BRCA2: variants seen among roughly 807,000 people sequenced by gnomAD.
BRCA2 encodes the protein BRCA2 DNA repair associated, also known as breast cancer type 2 susceptibility protein.
Under a neutral mutation model 276.7 loss-of-function variants are expected in BRCA2, and 203 were observed. The observed-to-expected ratio is 0.73, with a 90% CI of 0.65 to 0.82. The LOEUF is 0.82. Among genes scored for constraint, BRCA2 ranks in the 40% least tolerant of loss-of-function variants. The probability of loss-of-function intolerance (pLI) is 0.00; values close to 1 mark genes in which losing one functional copy is unlikely to be tolerated. For synonymous variants in BRCA2, 1,289 were observed against 1,338.4 expected (o/e 0.96, Z 0.81); for missense variants, 3,920 against 3,915.0 (o/e 1.00, Z -0.03).
chr13:32,354,901 A>C lies in BRCA2; in HGVS notation c.7048A>C (p.Thr2350Pro), dbSNP rs2072676852. The change falls in exon 14 of 27, where the codon ACC (threonine) becomes CCC (proline). Residue 2350 changes from threonine to proline, a missense_variant. Coordinates refer to ENST00000380152, the MANE Select transcript of BRCA2 (RefSeq NM_000059.4). ...ERQEIQNPNFTAPGQEFLSKS... is the reference protein window; with the variant it reads ...ERQEIQNPNFPAPGQEFLSKS... The stretch of plus-strand genomic sequence containing the variant: ...TCAAGAGATACAGAATCCAAATTTT[A>C]CCGCACCTGGTCAAGAATTTCTGTC... 1 of 1,613,474 alleles carries C rather than the reference A, an allele frequency of 6.2e-7. No individual in the cohort carries two copies.
rs80358965 is a variant in BRCA2 at position 32,356,430 on chromosome 13, T to G, written c.7438T>G (p.Leu2480Val). ...FTKCEEEPLD[L>V]ITSLQNARDI... ...GCTAAGTATTTATTCTTTGATAGATTTAATTACAAGTCTTCAGAATGCCAG... is the reference window on the plus strand; with the variant it reads ...GCTAAGTATTTATTCTTTGATAGATGTAATTACAAGTCTTCAGAATGCCAG... The change falls in exon 15 of 27, where the codon TTA (leucine) becomes GTA (valine). Residue 2480 changes from leucine to valine, a missense_variant and splice_region_variant. Physicochemically the swap from Leu to Val is conservative, Grantham distance 32. Coordinates refer to ENST00000380152, the MANE Select transcript of BRCA2 (RefSeq NM_000059.4). 5.0e-6 allele frequency: 8 copies of G among 1,612,824 alleles called. No individual in the cohort carries two copies. Among genetic ancestry groups the G allele is most frequent in the Middle Eastern group, 1.7e-4 (1 of 6,058 alleles).
At chr13:32,391,003 T>TC (rs2072993207) in intron 24 of BRCA2, among the ~76,000 whole-genome samples, 7 of 152,226 alleles carry the variant, frequency 4.6e-5, no homozygotes, top group Admixed American at 1.3e-4. Context: ...TTTGAACTTA[T>TC]ACTTTCAGGC....
rs2137498075 is a variant in BRCA2 at position 32,337,940 on chromosome 13, G to C, written c.3585G>C (p.Leu1195=). The part of the protein sequence containing the change: ...TVEIKRKFAG[L]LKNDCNKSAS... ...AAATTAAACGGAAGTTTGCTGGCCTGTTGAAAAATGACTGTAACAAAAGTG... is the reference window on the plus strand; with the variant it reads ...AAATTAAACGGAAGTTTGCTGGCCTCTTGAAAAATGACTGTAACAAAAGTG... Residue 1195 remains leucine, a synonymous_variant, in exon 11 of 27, where the codon CTG becomes CTC. Coordinates refer to ENST00000380152, the MANE Select transcript of BRCA2 (RefSeq NM_000059.4). The C allele has an allele frequency of 6.2e-7, 1 of 1,614,042 alleles. No individual in the cohort carries two copies.
intron 10 of BRCA2, among the ~76,000 whole-genome samples, chr13:32,335,992 G>T (rs1227664120): frequency 6.6e-6 from 1 of 151,548 alleles, no homozygotes; most frequent in Non-Finnish European, 1.5e-5. Flanking sequence ...AGCAGTCCTT[G>T]CACCTCACCC....
chr13:32,379,694 A>T (rs2137621462), intron 22 of BRCA2, 56 bp from the exon 23 acceptor site: 1 of 1,571,530 alleles, frequency 6.4e-7, no homozygotes. Context: ...TTTGAAACAA[A>T]CATTTAAATG....
In BRCA2 at chr13:32,356,499, G is replaced by A. The variant is rs587782191; in HGVS notation, c.7507G>A (p.Val2503Ile). ...AATTAAGAAGAAACAAAGGCAACGC[G>A]TCTTTCCACAGCCAGGCAGTCTGTA... ...MRIKKKQRQRVFPQPGSLYLA... is the reference protein window; with the variant it reads ...MRIKKKQRQRIFPQPGSLYLA... The change falls in exon 15 of 27, where the codon GTC becomes ATC. Residue 2503 changes from valine (V) to isoleucine (I), a missense_variant. Coordinates refer to ENST00000380152, the MANE Select transcript of BRCA2 (RefSeq NM_000059.4). 1.8e-5 allele frequency: 29 copies of A among 1,614,078 alleles called. No homozygotes were observed. Among genetic ancestry groups the A allele is most frequent in the African/African-American group, 9.3e-5 (7 of 74,944 alleles).
At chr13:32,374,557 C>T (rs1167188738) in intron 20 of BRCA2, among the ~76,000 whole-genome samples, 2 of 152,190 alleles carry the variant, frequency 1.3e-5, no homozygotes, top group Non-Finnish European at 2.9e-5. Flanking sequence ...CAACATTCCA[C>T]GGATCTCTAG....
At position 32,398,168 on chromosome 13, in the gene BRCA2, TCTC is replaced by T. The variant is rs2073049047; in HGVS notation, c.9658_9660del (p.Pro3220del). 6.2e-7 allele frequency: 1 copy of T among 1,608,490 alleles called. No homozygotes were observed. The highest frequency in any genetic ancestry group is 2.2e-5 in the East Asian group (1 of 44,870). On this transcript the variant is annotated inframe_deletion, in exon 27 of 27. Coordinates refer to ENST00000380152, the MANE Select transcript of BRCA2 (RefSeq NM_000059.4). ...GTTTTCATTTTTTTATCAGATGTCTTCTCCTAATTGTGAGATATATTATCAAAG... is the reference window on the plus strand; with the variant it reads ...GTTTTCATTTTTTTATCAGATGTCTTCTAATTGTGAGATATATTATCAAAG...
Position 32,340,925 on chromosome 13 carries a change from A to C in BRCA2, c.6570A>C (p.Val2190=), listed in dbSNP as rs1210384297. 1 of 1,610,238 alleles carries C rather than the reference A, an allele frequency of 6.2e-7. No individual in the cohort carries two copies. Among genetic ancestry groups the C allele is most frequent in the East Asian group, 2.2e-5 (1 of 44,802 alleles). ...LGKEQASPKN[V]KMEIGKTETF... Reference sequence around the variant, plus strand: ...AAGAACAGGCTTCACCTAAAAACGTAAAAATGGAAATTGGTAAAACTGAAA... The same window carrying C: ...AAGAACAGGCTTCACCTAAAAACGTCAAAATGGAAATTGGTAAAACTGAAA... Residue 2190 remains valine (V), a synonymous_variant, in exon 11 of 27, where the codon GTA becomes GTC. Coordinates refer to ENST00000380152, the MANE Select transcript of BRCA2 (RefSeq NM_000059.4).
rs876659898 is a variant in BRCA2 at position 32,340,774 on chromosome 13, G to T, written c.6419G>T (p.Gly2140Val). The change falls in exon 11 of 27, where the codon GGT becomes GTT. Residue 2140 changes from glycine (G) to valine (V), a missense_variant. By Grantham distance (109) the Gly-to-Val change is moderately radical (BLOSUM62 -3). Around this residue, in one of 2 missense-constraint regions of BRCA2, gnomAD observed 3,263 missense variants for 3,156.9 expected, o/e 1.03. Coordinates refer to ENST00000380152, the MANE Select transcript of BRCA2 (RefSeq NM_000059.4). ...FKLSNNLNVE[G>V]GSSENNHSIK... ...TTATCAAATAACTTAAATGTTGAAG[G>T]TGGTTCTTCAGAAAATAATCACTCT... 6.3e-7 allele frequency: 1 copy of T among 1,595,038 alleles called. No individual in the cohort carries two copies. Among genetic ancestry groups the T allele is most frequent in the South Asian group, 1.1e-5 (1 of 87,042 alleles).
intron 18 of BRCA2, among the ~76,000 whole-genome samples, chr13:32,364,050 C>G (rs982899141): frequency 7.2e-5 from 11 of 152,138 alleles, no homozygotes; most frequent in Admixed American, 5.9e-4. Flanking sequence ...CTGTGGTATT[C>G]TGGATCACTC....
intron 18 of BRCA2, among the ~76,000 whole-genome samples, chr13:32,365,236 A>C (rs1453138934): frequency 6.7e-6 from 1 of 149,100 alleles, no homozygotes; most frequent in Non-Finnish European, 1.5e-5. Context: ...TTCTGGGCTC[A>C]AACGGTCCTC....
At chr13:32,321,729 T>C (rs750712059) in intron 3 of BRCA2, among the ~76,000 whole-genome samples, 6 of 152,232 alleles carry the variant, frequency 3.9e-5, no homozygotes, top group Non-Finnish European at 8.8e-5. Context: ...CAACCTGTTT[T>C]GTTCAGTTCT....
At position 32,333,125 on chromosome 13, in the gene BRCA2, G is replaced by A. The variant is rs276174812; in HGVS notation, c.1647G>A (p.Lys549=). Residue 549 remains lysine, a synonymous_variant, in exon 10 of 27, where the codon AAG becomes AAA. Transcript: ENST00000380152. The part of the protein sequence containing the change: ...GLEIHTVCSQ[K]EDSLCPNLID... ...AAATACATACTGTTTGCTCACAGAA[G>A]GAGGACTCCTTATGTCCAAATTTAA... 5.6e-6 allele frequency: 9 copies of A among 1,613,950 alleles called. No homozygotes were observed. In the East Asian group the frequency reaches 2.0e-4, roughly 36 times the overall value.
intron 13 of BRCA2, among the ~76,000 whole-genome samples, chr13:32,351,116 C>T (rs903293949): frequency 2.0e-5 from 3 of 152,192 alleles, no homozygotes; most frequent in East Asian, 1.9e-4. Flanking sequence ...CCCCAGCAGC[C>T]GCTCGGCTCC....
chr13:32,356,379 G>A lies in BRCA2; in HGVS notation c.7436-49G>A, dbSNP rs370581599. On this transcript the variant is annotated intron_variant, in intron 14 of 26. Transcript: ENST00000380152. ...GCCACTGTGCCTGGCCAGGGGTTGT[G>A]CTTTTTAAATTTCAATTTTATTTTT... 125 of 1,584,512 alleles carry A rather than the reference G, an allele frequency of 7.9e-5. No individual in the cohort carries two copies. The South Asian group carries it at 8.1e-4, about 10-fold the overall frequency.
At position 32,340,632 on chromosome 13, in the gene BRCA2, C is replaced by T. The variant is rs1593908107; in HGVS notation, c.6277C>T (p.His2093Tyr). 1 of 1,606,338 alleles carries T rather than the reference C, an allele frequency of 6.2e-7. No homozygotes were observed. Among genetic ancestry groups the T allele is most frequent in the Non-Finnish European group, 8.5e-7 (1 of 1,177,412 alleles). Residue 2093 changes from histidine to tyrosine, a missense_variant, in exon 11 of 27, where the codon CAC (histidine) becomes TAC (tyrosine). His to Tyr is a moderately conservative substitution (Grantham distance 83, BLOSUM62 2). Coordinates refer to ENST00000380152, the MANE Select transcript of BRCA2 (RefSeq NM_000059.4). ...TTTAATCAGAACTGAGCATAGTCTT[C>T]ACTATTCACCTACGTCTAGACAAAA... ...FDLIRTEHSLHYSPTSRQNVS... is the reference protein window; with the variant it reads ...FDLIRTEHSLYYSPTSRQNVS...
chr13:32,385,293 G>A (rs141772007), intron 24 of BRCA2: 1 of 205,324 alleles, frequency 4.9e-6, no homozygotes, highest in Non-Finnish European at 1.1e-5. Context: ...AGGCTGTCAG[G>A]CTAAATGTAG....
intron 18 of BRCA2, among the ~76,000 whole-genome samples, chr13:32,363,816 A>G (rs2072763143): frequency 6.6e-6 from 1 of 152,186 alleles, no homozygotes. Context: ...TCTTGTTCTC[A>G]TAGCTTTGCT....
Sources: allele counts gnomAD v4.1 joint callset (sites outside exome capture counted in the v4.1 genomes callset), GRCh38; gene constraint gnomAD v4.1.1; regional missense constraint gnomAD v4.1.1; transcripts MANE v1.5; gene names NCBI Gene and HGNC (gene_info 2026-07-23, HGNC 2026-07-21).